Variants in ABCA5 observed in about 807,000 individuals in gnomAD.
ABCA5 encodes the protein cholesterol transporter ABCA5.
ABCA5 carries 163 observed loss-of-function variants against 206.0 expected under a neutral mutation model. The observed-to-expected ratio is 0.79, with a 90% CI of 0.70 to 0.90. ABCA5 has a LOEUF of 0.90. Among genes scored for constraint, ABCA5 ranks in the 40% least tolerant of loss-of-function variants. The pLI, the probability that ABCA5 is intolerant of heterozygous loss-of-function variation, is 0.00. For missense variants in ABCA5, 1,859 were observed against 1,912.9 expected, an observed-to-expected ratio of 0.97 and a Z score of 0.53; for synonymous variants, 609 against 613.8, an observed-to-expected ratio of 0.99 and a Z score of 0.11.
At chr17:69,249,689 A>G in intron 37 of ABCA5, 1 of 527,720 alleles carries the variant, frequency 1.9e-6, no homozygotes, top group South Asian at 4.5e-5. Flanking sequence ...GTCTTAGATT[A>G]AATGAATAAA....
At chr17:69,268,973 G>A (rs939132790) in intron 22 of ABCA5, 1 of 152,184 alleles carries the variant, frequency 6.6e-6, no homozygotes, top group South Asian at 2.1e-4. Flanking sequence ...CAAATATGTA[G>A]ACTAGTAGTG....
chr17:69,276,397 T>G (rs1216180728), intron 19 of ABCA5, among the ~76,000 whole-genome samples: 2 of 152,196 alleles, frequency 1.3e-5, no homozygotes, highest in East Asian at 3.8e-4. Flanking sequence ...GGTATTTTAA[T>G]TATTTTTCTG....
At chr17:69,303,045 T>C in intron 7 of ABCA5, 139 bp from the exon 8 acceptor site, 2 of 479,724 alleles carry the variant, frequency 4.2e-6, no homozygotes, top group South Asian at 9.6e-5. Context: ...TTCTAAATGC[T>C]ATGGTATTTT....
intron 15 of ABCA5, among the ~76,000 whole-genome samples, chr17:69,287,208 CAT>C (rs2075465887): frequency 1.3e-5 from 2 of 152,178 alleles, no homozygotes; most frequent in Admixed American, 6.6e-5. Context: ...ATATTTCACA[CAT>C]GTTGTTACAA....
In ABCA5 at chr17:69,327,095, G is replaced by A. The variant is rs1228588460; in HGVS notation, c.-59C>T. The A allele has an allele frequency of 6.5e-6, 1 of 152,762 alleles. No individual in the cohort carries two copies. The highest frequency in any genetic ancestry group is 1.5e-5 in the Non-Finnish European group (1 of 68,398). The allele number at this position is 152,762 out of a possible 1,614,324, so 9.5% of individuals were successfully genotyped here. On this transcript the variant is annotated 5_prime_UTR_variant, in exon 1 of 39. Transcript: ENST00000392676. ...GAGCTGTCAGGCCTGGACGCGCTCAGTCTGTTGACTCAGTGCGGGTGACCC... is the reference window on the plus strand; with the variant it reads ...GAGCTGTCAGGCCTGGACGCGCTCAATCTGTTGACTCAGTGCGGGTGACCC...
intron 17 of ABCA5, among the ~76,000 whole-genome samples, chr17:69,284,956 C>A (rs1335019192): frequency 6.6e-6 from 1 of 152,156 alleles, no homozygotes; most frequent in Non-Finnish European, 1.5e-5. Flanking sequence ...ATGTAAGAGT[C>A]AACAACAAAG....
Position 69,294,330 on chromosome 17 carries a change from C to T in ABCA5, c.1495+325G>A, listed in dbSNP as rs536212682. On this transcript the variant is annotated intron_variant, in intron 11 of 38. Coordinates refer to ENST00000392676, the MANE Select transcript of ABCA5 (RefSeq NM_172232.4). Reference sequence around the variant, plus strand: ...CTGAGGTCAGGAGTTTGAGACCAGCCTGGCCAACTTGGTGAAACCCCGTCT... The same window carrying T: ...CTGAGGTCAGGAGTTTGAGACCAGCTTGGCCAACTTGGTGAAACCCCGTCT... Among the ~76,000 whole-genome samples the T allele has an allele frequency of 4.5e-4, 68 of 152,082 alleles. 1 individual carries two copies. Among genetic ancestry groups the T allele is most frequent in the African/African-American group, 1.6e-3 (66 of 41,496 alleles).
At chr17:69,316,643 A>G (rs1410976996) in intron 1 of ABCA5, among the ~76,000 whole-genome samples, 1 of 152,052 alleles carries the variant, frequency 6.6e-6, no homozygotes, top group East Asian at 1.9e-4. Flanking sequence ...CTTCCAATTT[A>G]GCAAGGGATA....
In ABCA5 at chr17:69,297,344, C is replaced by T. The variant is rs149261056; in HGVS notation, c.1283G>A (p.Arg428Gln). The T allele has an allele frequency of 2.8e-5, 44 of 1,587,980 alleles. 1 individual carries two copies. Among genetic ancestry groups the T allele is most frequent in the South Asian group, 1.1e-4 (9 of 84,926 alleles). Residue 428 changes from arginine (R) to glutamine (Q), a missense_variant, in exon 10 of 39, where the codon CGG becomes CAG. Transcript: ENST00000392676. The stretch of plus-strand genomic sequence containing the variant: ...CTTCAGAAAATATAAAGATGATCTC[C>T]GTAAGCCAAATTCCCCTGAAAAATA... Reference protein sequence around the residue: ...DQVIPGEFGLRRSSLYFLKPS... With the variant: ...DQVIPGEFGLQRSSLYFLKPS...
Position 69,263,637 on chromosome 17 carries a change from T to C in ABCA5, c.3315+1098A>G, listed in dbSNP as rs1430741700. Among the ~76,000 whole-genome samples the C allele has an allele frequency of 3.9e-5, 6 of 151,970 alleles. No homozygotes were observed. In the South Asian group the frequency reaches 1.0e-3, roughly 26 times the overall value. ...GCTGTTTTGGTCACTGGAGCCTTTA[T>C]AGTATAGTTTGAAGTCAGGTAATGA... On this transcript the variant is annotated intron_variant, in intron 24 of 38. Transcript: ENST00000392676.
At chr17:69,286,923 T>C (rs1422525027) in intron 15 of ABCA5, among the ~76,000 whole-genome samples, 1 of 152,188 alleles carries the variant, frequency 6.6e-6, no homozygotes, top group Non-Finnish European at 1.5e-5. Context: ...AGAGTTAACA[T>C]AGCAGGTCAG....
At chr17:69,309,194 G>T in intron 4 of ABCA5, 68 bp downstream of exon 4, 1 of 1,287,860 alleles carries the variant, frequency 7.8e-7, no homozygotes, top group South Asian at 1.9e-5. Flanking sequence ...ATAAAATTTT[G>T]ACTATGAACT....
chr17:69,263,652 T>G (rs1377414373), intron 24 of ABCA5, among the ~76,000 whole-genome samples: 1 of 150,772 alleles, frequency 6.6e-6, no homozygotes, highest in Non-Finnish European at 1.5e-5. Flanking sequence ...TAGTTTGAAG[T>G]CAGGTAATGA....
At position 69,271,197 on chromosome 17, in the gene ABCA5, G is replaced by A. The variant is rs1344034869; in HGVS notation, c.2857C>T (p.His953Tyr). The change falls in exon 21 of 39, where the codon CAT becomes TAT. Residue 953 changes from histidine to tyrosine, a missense_variant. Physicochemically the swap from His to Tyr is moderately conservative, Grantham distance 83. Transcript: ENST00000392676. The part of the protein sequence containing the change: ...NDSDYVSVAP[H>Y]SAALNVMHSE... ...TGCATCACATTTAAAGCCGCACTAT[G>A]GGGAGCCACGGATACATAGTCACTG... 1.7e-5 allele frequency: 27 copies of A among 1,613,198 alleles called. No individual in the cohort carries two copies. The highest frequency in any genetic ancestry group is 2.3e-5 in the Non-Finnish European group (27 of 1,179,650).
At chr17:69,275,538 TA>T (rs1235076509) in intron 19 of ABCA5, among the ~76,000 whole-genome samples, 1 of 152,180 alleles carries the variant, frequency 6.6e-6, no homozygotes, top group African/African-American at 2.4e-5. Context: ...TGATTTAGGT[TA>T]AAAAATATTC....
intron 3 of ABCA5, among the ~76,000 whole-genome samples, chr17:69,311,957 T>C (rs994204459): frequency 2.6e-5 from 4 of 152,142 alleles, no homozygotes; most frequent in Non-Finnish European, 5.9e-5. Flanking sequence ...GTGTATTTAA[T>C]CAAAATATTA....
chr17:69,289,925 T>C lies in ABCA5; in HGVS notation c.1719A>G (p.Val573=), dbSNP rs931286750. ...AAGCCAAAATTGATAAATTTTCTTCTACTGTCAAAACATCAAAGTGTATAT... is the reference window on the plus strand; with the variant it reads ...AAGCCAAAATTGATAAATTTTCTTCCACTGTCAAAACATCAAAGTGTATAT... ...QLDIHFDVLT[V]EENLSILASI... Residue 573 remains valine, a synonymous_variant, in exon 13 of 39, where the codon GTA becomes GTG. Transcript: ENST00000392676. 6.2e-7 allele frequency: 1 copy of C among 1,612,304 alleles called. No homozygotes were observed. Among genetic ancestry groups the C allele is most frequent in the Non-Finnish European group, 8.5e-7 (1 of 1,179,308 alleles).
rs143399790 is a variant in ABCA5, at chr17:69,313,130, C to T, written c.269G>A (p.Ser90Asn). 4.0e-5 allele frequency: 64 copies of T among 1,611,506 alleles called. No homozygotes were observed. In the African/African-American group the frequency reaches 6.5e-4, roughly 16 times the overall value. ...GYTPVTNITS[S>N]IMQKVSTDHL... ...ATCAGTAGACACTTTCTGCATGATG[C>T]TGCTTGTAATATTAGTCACTGGAGT... is the stretch of plus-strand genomic sequence containing the variant. Residue 90 changes from serine to asparagine, a missense_variant, in exon 3 of 39, where the codon AGC becomes AAC. Physicochemically the swap from Ser to Asn is conservative, Grantham distance 46 (BLOSUM62 1). Transcript: ENST00000392676.
rs769375308 is a variant in ABCA5 at position 69,264,716 on chromosome 17, A to G, written c.3315+19T>C. On this transcript the variant is annotated intron_variant, in intron 24 of 38. Transcript: ENST00000392676. The stretch of plus-strand genomic sequence containing the variant: ...CATTCTATCTATAAATAGCATGAGT[A>G]CAACTAACGTTAACTTACCACAGCA... 6.1e-6 allele frequency: 9 copies of G among 1,476,906 alleles called. No individual in the cohort carries two copies. The East Asian group carries it at 2.2e-4, about 36-fold the overall frequency. The allele number at this position is 1,476,906 out of a possible 1,614,324, so 91.5% of individuals were successfully genotyped here.
Sources: allele counts gnomAD v4.1 joint callset (sites outside exome capture counted in the v4.1 genomes callset), GRCh38; gene constraint gnomAD v4.1.1; transcripts MANE v1.5; gene names NCBI Gene and HGNC (gene_info 2026-07-23, HGNC 2026-07-21).